PTPN9: variants seen among roughly 807,000 people sequenced by gnomAD.
The protein encoded by PTPN9 is tyrosine-protein phosphatase non-receptor type 9.
PTPN9 carries 26 observed loss-of-function variants against 69.8 expected under a neutral mutation model. The observed-to-expected ratio is 0.37, with a 90% CI of 0.27 to 0.52. The LOEUF (loss-of-function observed/expected upper bound fraction) is 0.52. Ranked by LOEUF, PTPN9 falls within the 20% of genes least tolerant of loss-of-function variation. PTPN9 has a pLI of 0.91. For missense variants in PTPN9, 549 were observed against 740.3 expected (o/e 0.74, Z 3.00); for synonymous variants, 274 against 272.5 (o/e 1.01, Z -0.05).
At chr15:75,485,332 G>A (rs931147651) in intron 8 of PTPN9, among the ~76,000 whole-genome samples, 1 of 147,626 alleles carries the variant, frequency 6.8e-6, no homozygotes, top group African/African-American at 2.5e-5. Context: ...CTAACTTCAT[G>A]CTTTGAAAAG....
chr15:75,475,210 C>G (rs999299017), intron 9 of PTPN9, among the ~76,000 whole-genome samples: 1 of 151,750 alleles, frequency 6.6e-6, no homozygotes, highest in African/African-American at 2.4e-5. Context: ...CTCCTTTGCA[C>G]AGGGCTGAGC....
At chr15:75,482,564 CAAAAAAA>C (rs145653223) in intron 8 of PTPN9, among the ~76,000 whole-genome samples, 3 of 35,402 alleles carry the variant, frequency 8.5e-5, no homozygotes, top group East Asian at 2.4e-3. Context: ...GACTCCGTCT[CAAAAAAA>C]AAAAAAAAAA....
At chr15:75,535,389 A>C (rs566228898) in intron 1 of PTPN9, among the ~76,000 whole-genome samples, 1 of 152,204 alleles carries the variant, frequency 6.6e-6, no homozygotes. Context: ...TTTAGACTTC[A>C]GTTCCCATCT....
At chr15:75,531,232 A>G (rs2074962790) in intron 1 of PTPN9, among the ~76,000 whole-genome samples, 1 of 152,030 alleles carries the variant, frequency 6.6e-6, no homozygotes, top group African/African-American at 2.4e-5. Context: ...TTAAGGCAAC[A>G]TAGCTTACAC....
chr15:75,480,563 T>G (rs1305805286), intron 8 of PTPN9: 63 of 721,890 alleles, frequency 8.7e-5, no homozygotes, highest in Non-Finnish European at 1.1e-4. Context: ...CCGGCCATGG[T>G]GGCCGCGGGT....
intron 7 of PTPN9, among the ~76,000 whole-genome samples, chr15:75,504,828 GC>G (rs1257641657): frequency 7.8e-6 from 1 of 127,736 alleles, no homozygotes; most frequent in Non-Finnish European, 1.6e-5. Context: ...CTGGCCAGCC[GC>G]CCCGTCCGGG....
chr15:75,492,860 A>T (rs1164316301), intron 7 of PTPN9, among the ~76,000 whole-genome samples: 1 of 152,174 alleles, frequency 6.6e-6, no homozygotes, highest in Non-Finnish European at 1.5e-5. Flanking sequence ...CAATTCAAAT[A>T]ACACAATTCA....
At chr15:75,476,129 A>C (rs906329150) in intron 9 of PTPN9, among the ~76,000 whole-genome samples, 1 of 152,206 alleles carries the variant, frequency 6.6e-6, no homozygotes, top group Admixed American at 6.5e-5. Flanking sequence ...TCTGTCACCC[A>C]GCCTAGGTGA....
chr15:75,468,482 C>T lies in PTPN9; in HGVS notation c.*287G>A, dbSNP rs773316321. The T allele has an allele frequency of 1.8e-5, 5 of 273,856 alleles. No individual in the cohort carries two copies. Among genetic ancestry groups the T allele is most frequent in the Non-Finnish European group, 3.5e-5 (5 of 143,022 alleles). The allele number at this position is 273,856 out of a possible 1,614,324, so 17.0% of individuals were successfully genotyped here. On this transcript the variant is annotated 3_prime_UTR_variant, in exon 13 of 13. Transcript: ENST00000618819. The stretch of plus-strand genomic sequence containing the variant: ...AGGGAGGTTCCTTCCCCACTTACCT[C>T]GGGGACCCTAGCAAAAATCAATAGC...
chr15:75,539,553 G>A (rs914129958), intron 1 of PTPN9, among the ~76,000 whole-genome samples: 3 of 151,054 alleles, frequency 2.0e-5, no homozygotes, highest in East Asian at 2.0e-4. Flanking sequence ...TGATCCGCCC[G>A]CCTCAGCCTC....
rs1443911353 is a variant in PTPN9, at chr15:75,504,452, G to C, written c.968+1223C>G. On this transcript the variant is annotated intron_variant, in intron 7 of 12. Transcript: ENST00000618819. ...AGGTGGGGGGATCAGCCCCCCGCCC[G>C]GCCAGCCGCCCGGTCCGGGAGGGAG... 4.5e-5 allele frequency among the ~76,000 whole-genome samples: 6 copies of C among 134,154 alleles called. No individual in the cohort carries two copies. In the South Asian group the frequency reaches 7.2e-4, roughly 16 times the overall value. 88.0% of individuals were successfully genotyped at this position (134,154 alleles called of 152,430 possible). A position where few individuals can be genotyped will look rare whatever the true frequency, so the allele number is the denominator to read the frequency against.
chr15:75,572,214 C>T (rs1379009687), intron 1 of PTPN9, among the ~76,000 whole-genome samples: 1 of 152,048 alleles, frequency 6.6e-6, no homozygotes, highest in Non-Finnish European at 1.5e-5. Context: ...TGCCTGTAAT[C>T]CCAGCTACTC....
intron 1 of PTPN9, among the ~76,000 whole-genome samples, chr15:75,576,236 A>C (rs1426370295): frequency 6.6e-6 from 1 of 151,132 alleles, no homozygotes; most frequent in Non-Finnish European, 1.5e-5. Flanking sequence ...GTTAAAAAAC[A>C]AAAGGGTACT....
At chr15:75,516,306 T>C (rs1485810897) in intron 5 of PTPN9, among the ~76,000 whole-genome samples, 13 of 148,864 alleles carry the variant, frequency 8.7e-5, no homozygotes, top group Non-Finnish European at 1.6e-4. Flanking sequence ...GTTTCTTCTT[T>C]TTTTTTTTTT....
At chr15:75,558,878 A>G (rs889015952) in intron 1 of PTPN9, among the ~76,000 whole-genome samples, 50 of 152,180 alleles carry the variant, frequency 3.3e-4, no homozygotes, top group Non-Finnish European at 6.3e-4. Flanking sequence ...TCGGCTCGCT[A>G]CAACCTCCAC....
rs563139285 is a variant in PTPN9, at chr15:75,563,596, T to C, written c.63+15118A>G. Among the ~76,000 whole-genome samples, 18 of 152,290 alleles carry C rather than the reference T, an allele frequency of 1.2e-4. No individual in the cohort carries two copies. In the East Asian group the frequency reaches 3.3e-3, roughly 28 times the overall value. On this transcript the variant is annotated intron_variant, in intron 1 of 12. Transcript: ENST00000618819. ...TTTATGGCTCGGTAGTATTCCATGGTTGGTGTATATGTACCACATTTTCTT... is the reference window on the plus strand; with the variant it reads ...TTTATGGCTCGGTAGTATTCCATGGCTGGTGTATATGTACCACATTTTCTT...
At chr15:75,489,099 T>C (rs1567476498) in intron 8 of PTPN9, among the ~76,000 whole-genome samples, 1 of 132,232 alleles carries the variant, frequency 7.6e-6, no homozygotes, top group Non-Finnish European at 1.5e-5. Flanking sequence ...GGCGTGAACC[T>C]GGGAGGTGGA....
intron 10 of PTPN9, among the ~76,000 whole-genome samples, chr15:75,472,781 A>AC (rs2074574946): frequency 1.3e-5 from 2 of 149,448 alleles, no homozygotes; most frequent in Admixed American, 1.3e-4. Flanking sequence ...ACCATCTCCA[A>AC]AAAAAAAAAA....
intron 5 of PTPN9, among the ~76,000 whole-genome samples, chr15:75,515,678 AC>A (rs1203274192): frequency 6.6e-6 from 1 of 151,900 alleles, no homozygotes; most frequent in Non-Finnish European, 1.5e-5. Context: ...CGGGTGGATC[AC>A]CCCAGGTCAG....
Sources: gnomAD v4.1 joint callset for allele counts (sites outside exome capture counted in the v4.1 genomes callset) on GRCh38, gnomAD v4.1.1 for gene constraint, MANE v1.5 for transcripts, NCBI Gene and HGNC (gene_info 2026-07-23, HGNC 2026-07-21) for gene names.